HORMAD2: variants seen among roughly 807,000 people sequenced by gnomAD.
HORMAD2 encodes HORMA domain-containing protein 2.
Under a neutral mutation model 38.8 loss-of-function variants are expected in HORMAD2, and 45 were observed. The observed-to-expected ratio is 1.16, with a 90% CI of 0.91 to 1.49. HORMAD2 has a LOEUF of 1.49. Ranked by LOEUF, HORMAD2 falls within the 40% of genes most tolerant of loss-of-function variation. The probability of loss-of-function intolerance (pLI) is 0.00; values close to 1 mark genes in which losing one functional copy is unlikely to be tolerated. For missense variants in HORMAD2, 338 were observed against 367.0 expected (o/e 0.92, Z 0.65); for synonymous variants, 126 against 122.8 (o/e 1.03, Z -0.17).
intron 1 of HORMAD2, among the ~76,000 whole-genome samples, chr22:30,087,065 T>C (rs2068583247): frequency 6.6e-6 from 1 of 152,180 alleles, no homozygotes; most frequent in African/African-American, 2.4e-5. Flanking sequence ...TTCTCCATGT[T>C]GGTCAGGCTG....
At chr22:30,186,035 C>A in the HORMAD2 span, among the ~76,000 whole-genome samples, 14 of 151,818 alleles carry the variant, frequency 9.2e-5, no homozygotes, top group Admixed American at 9.2e-4. Context: ...AAATAACAAT[C>A]AAAAATCTTT....
At chr22:30,151,791 G>GAT (rs1216515497) in intron 10 of HORMAD2, among the ~76,000 whole-genome samples, 2 of 152,206 alleles carry the variant, frequency 1.3e-5, no homozygotes, top group African/African-American at 4.8e-5. Context: ...AGATGACATA[G>GAT]ATACTTTCAT....
intron 7 of HORMAD2, among the ~76,000 whole-genome samples, chr22:30,116,116 C>T (rs1398556657): frequency 1.3e-5 from 2 of 151,942 alleles, no homozygotes; most frequent in Non-Finnish European, 2.9e-5. Flanking sequence ...AACCGGAGAC[C>T]ACATGTTCCA....
At chr22:30,089,861 A>G (rs1371244522) in intron 1 of HORMAD2, among the ~76,000 whole-genome samples, 1 of 152,146 alleles carries the variant, frequency 6.6e-6, no homozygotes, top group African/African-American at 2.4e-5. Context: ...CAGAAACTCT[A>G]TACCTATTAA....
At chr22:30,190,983 AAC>A in the HORMAD2 span, among the ~76,000 whole-genome samples, 6,137 of 152,240 alleles carry the variant, frequency 0.04, 357 homozygotes, top group South Asian at 0.23. Flanking sequence ...AAGTGGGGGG[AAC>A]ATGCATGAAT....
At chr22:30,101,774 G>A (rs552053921) in intron 3 of HORMAD2, among the ~76,000 whole-genome samples, 1 of 152,154 alleles carries the variant, frequency 6.6e-6, no homozygotes, top group East Asian at 1.9e-4. Context: ...TAATTCTCTT[G>A]GTTGGGCATG....
chr22:30,144,758 C>G (rs1179399831), intron 10 of HORMAD2, among the ~76,000 whole-genome samples: 1 of 151,990 alleles, frequency 6.6e-6, no homozygotes, highest in African/African-American at 2.4e-5. Flanking sequence ...GCAGAACTTC[C>G]ATTTCACCAG....
intron 10 of HORMAD2, among the ~76,000 whole-genome samples, chr22:30,134,411 A>G (rs928192652): frequency 6.8e-6 from 1 of 147,574 alleles, no homozygotes; most frequent in African/African-American, 2.5e-5. Context: ...TCATAAATAT[A>G]TATATTTATG....
chr22:30,139,254 C>CTATA (rs3067131), intron 10 of HORMAD2, among the ~76,000 whole-genome samples: 13,452 of 96,212 alleles, frequency 0.14, 1,117 homozygotes, highest in Non-Finnish European at 0.16. Context: ...ATGAACTGTA[C>CTATA]TATATATATA....
At chr22:30,155,985 G>T (rs1240974086) in intron 10 of HORMAD2, among the ~76,000 whole-genome samples, 1 of 152,014 alleles carries the variant, frequency 6.6e-6, no homozygotes, top group Non-Finnish European at 1.5e-5. Flanking sequence ...CTCTGCCTTG[G>T]GCCTTTTCCC....
At chr22:30,136,814 T>C in intron 10 of HORMAD2, 1 of 244,826 alleles carries the variant, frequency 4.1e-6, no homozygotes, top group Non-Finnish European at 8.2e-6. Context: ...TGGGCTTCTT[T>C]ATTTTTACTT....
At chr22:30,078,607 CAAAAA>C (rs55966787), upstream of HORMAD2, among the ~76,000 whole-genome samples, 10 of 28,100 alleles carry the variant, frequency 3.6e-4, no homozygotes, top group East Asian at 1.3e-3. Flanking sequence ...CTCTGTCTCA[CAAAAA>C]AAAAAAAAAA....
At chr22:30,105,191 A>G in intron 5 of HORMAD2, 1 of 161,588 alleles carries the variant, frequency 6.2e-6, no homozygotes. Flanking sequence ...CTTTTTCTTG[A>G]TGAACTTGAA....
At chr22:30,151,035 C>G (rs1040876559) in intron 10 of HORMAD2, among the ~76,000 whole-genome samples, 2 of 152,196 alleles carry the variant, frequency 1.3e-5, no homozygotes, top group African/African-American at 4.8e-5. Context: ...TCTACCTACC[C>G]TCTCTATCTC....
chr22:30,202,387 T>A, the HORMAD2 span, among the ~76,000 whole-genome samples: 61 of 151,006 alleles, frequency 4.0e-4, no homozygotes, highest in Admixed American at 5.3e-4. Context: ...GAGTGGGAGT[T>A]GAGTGGAATG....
Position 30,093,905 on chromosome 22 carries a change from T to A in HORMAD2, c.-37-11T>A. 1 of 1,355,106 alleles carries A rather than the reference T, an allele frequency of 7.4e-7. No homozygotes were observed. Among genetic ancestry groups the A allele is most frequent in the African/African-American group, 1.5e-5 (1 of 68,476 alleles). 83.9% of individuals were successfully genotyped at this position (1,355,106 alleles called of 1,614,324 possible). ...GGCAAGGTCTCTAATTAATTAATTA[T>A]TTTTTAATAGGTTGGACTTGTTGAA... is the stretch of plus-strand genomic sequence containing the variant. On this transcript the variant is annotated splice_polypyrimidine_tract_variant and intron_variant, in intron 1 of 10. Coordinates refer to ENST00000336726, the MANE Select transcript of HORMAD2 (RefSeq NM_152510.4).
At chr22:30,201,450 G>A in the HORMAD2 span, among the ~76,000 whole-genome samples, 2 of 129,696 alleles carry the variant, frequency 1.5e-5, no homozygotes, top group African/African-American at 6.1e-5. Flanking sequence ...ACGGATTCTC[G>A]CTGTTGCCCA....
chr22:30,126,627 A>T (rs1922888099), intron 10 of HORMAD2, among the ~76,000 whole-genome samples: 1 of 152,206 alleles, frequency 6.6e-6, no homozygotes, highest in Admixed American at 6.5e-5. Flanking sequence ...TCTATGATGG[A>T]TAGAAATGCT....
chr22:30,093,094 T>C (rs946452177), intron 1 of HORMAD2, among the ~76,000 whole-genome samples: 1 of 152,136 alleles, frequency 6.6e-6, no homozygotes, highest in African/African-American at 2.4e-5. Context: ...ATATGATCAT[T>C]TTAGCAATAT....
Sources: gnomAD v4.1 joint callset for allele counts (sites outside exome capture counted in the v4.1 genomes callset) on GRCh38, gnomAD v4.1.1 for gene constraint, MANE v1.5 for transcripts, NCBI Gene and HGNC (gene_info 2026-07-23, HGNC 2026-07-21) for gene names.